Variants in LANCL2 observed in about 807,000 individuals in gnomAD.
LANCL2 encodes the protein LanC like glutathione S-transferase 2, also known as lanC-like protein 2.
In LANCL2, 33 loss-of-function variants were observed where a neutral mutation model predicts 56.9. The observed-to-expected ratio is 0.58, with a 90% CI of 0.44 to 0.78. The LOEUF is 0.78. Among genes scored for constraint, LANCL2 ranks in the 30% least tolerant of loss-of-function variants. The pLI, the probability that LANCL2 is intolerant of heterozygous loss-of-function variation, is 0.00. For missense variants in LANCL2, 562 were observed against 580.2 expected (o/e 0.97, Z 0.32); for synonymous variants, 233 against 228.2 (o/e 1.02, Z -0.19).
chr7:55,396,619 C>G (rs1790256054), intron 2 of LANCL2, among the ~76,000 whole-genome samples: 1 of 152,236 alleles, frequency 6.6e-6, no homozygotes, highest in Non-Finnish European at 1.5e-5. Flanking sequence ...CAGCACCTCC[C>G]ACCACATCCC....
chr7:55,386,559 G>C (rs1213319219), intron 1 of LANCL2, among the ~76,000 whole-genome samples: 4 of 152,178 alleles, frequency 2.6e-5, no homozygotes, highest in Non-Finnish European at 4.4e-5. Flanking sequence ...CTAAGTTGTA[G>C]GTGTCTGGTC....
At chr7:55,416,618 A>C (rs1246741412) in intron 6 of LANCL2, among the ~76,000 whole-genome samples, 1 of 151,368 alleles carries the variant, frequency 6.6e-6, no homozygotes, top group Non-Finnish European at 1.5e-5. Flanking sequence ...GTTTTATTTT[A>C]TTTTATTTTT....
chr7:55,370,771 A>G (rs145054984), intron 1 of LANCL2, among the ~76,000 whole-genome samples: 21 of 152,314 alleles, frequency 1.4e-4, no homozygotes, highest in African/African-American at 5.1e-4. Flanking sequence ...CATTATGAGA[A>G]TATCAAGGAG....
At chr7:55,422,810 GA>G (rs1334257291) in intron 6 of LANCL2, among the ~76,000 whole-genome samples, 7 of 152,236 alleles carry the variant, frequency 4.6e-5, no homozygotes, top group African/African-American at 1.7e-4. Flanking sequence ...CACTGATGAT[GA>G]GTATAGTTCC....
At chr7:55,371,635 T>C (rs909242715) in intron 1 of LANCL2, among the ~76,000 whole-genome samples, 1 of 152,174 alleles carries the variant, frequency 6.6e-6, no homozygotes, top group Non-Finnish European at 1.5e-5. Context: ...CTTTTCCCCA[T>C]GTTCTCTTGT....
intron 1 of LANCL2, among the ~76,000 whole-genome samples, chr7:55,385,724 T>C (rs1000326479): frequency 1.3e-5 from 2 of 152,194 alleles, no homozygotes; most frequent in Non-Finnish European, 2.9e-5. Context: ...GGCACCATTG[T>C]CATTGATAAC....
chr7:55,373,065 A>G (rs749781477), intron 1 of LANCL2, among the ~76,000 whole-genome samples: 1 of 152,162 alleles, frequency 6.6e-6, no homozygotes, highest in African/African-American at 2.4e-5. Context: ...CCTCAGCAAG[A>G]TTGAAAATTG....
chr7:55,413,824 A>G (rs1046872412), intron 6 of LANCL2, among the ~76,000 whole-genome samples: 1 of 152,232 alleles, frequency 6.6e-6, no homozygotes, highest in Non-Finnish European at 1.5e-5. Flanking sequence ...TGTCCTCTAC[A>G]TTAAGATTCT....
At chr7:55,373,608 T>C (rs1043528728) in intron 1 of LANCL2, among the ~76,000 whole-genome samples, 2 of 152,222 alleles carry the variant, frequency 1.3e-5, no homozygotes. Flanking sequence ...GGAGTTATTT[T>C]TAAACATCCT....
chr7:55,398,279 A>G (rs1309801400), intron 2 of LANCL2, 144 bp from the exon 3 acceptor site: 1 of 627,814 alleles, frequency 1.6e-6, no homozygotes, highest in African/African-American at 1.8e-5. Flanking sequence ...TTTAAGAAAT[A>G]TATGAAATGT....
chr7:55,368,448 C>T (rs1789899898), intron 1 of LANCL2, among the ~76,000 whole-genome samples: 1 of 152,152 alleles, frequency 6.6e-6, no homozygotes, highest in African/African-American at 2.4e-5. Context: ...AAAATGAGAG[C>T]ACGTTGAAGG....
chr7:55,401,085 T>C, intron 4 of LANCL2, 89 bp from the exon 5 acceptor site: 1 of 1,054,780 alleles, frequency 9.5e-7, no homozygotes, highest in East Asian at 2.4e-5. Flanking sequence ...TCTCTCTATA[T>C]ATGTCATATA....
chr7:55,376,795 T>G (rs1239474205), intron 1 of LANCL2, among the ~76,000 whole-genome samples: 1 of 152,270 alleles, frequency 6.6e-6, no homozygotes, highest in African/African-American at 2.4e-5. Context: ...CAGGAACATT[T>G]TGGGGAGTAC....
intron 3 of LANCL2, 100 bp downstream of exon 3, chr7:55,398,730 G>T: frequency 1.1e-6 from 1 of 887,042 alleles, no homozygotes; most frequent in Non-Finnish European, 1.8e-6. Flanking sequence ...TTCATCCATT[G>T]TTGTAAACAG....
chr7:55,413,739 A>C (rs1356856523), intron 6 of LANCL2, among the ~76,000 whole-genome samples: 1 of 152,166 alleles, frequency 6.6e-6, no homozygotes, highest in East Asian at 1.9e-4. Flanking sequence ...CTGGTTCCAA[A>C]ACAAATTTCT....
At chr7:55,416,968 GGTTTTTTTT>G (rs1482859497) in intron 6 of LANCL2, among the ~76,000 whole-genome samples, 4 of 109,076 alleles carry the variant, frequency 3.7e-5, no homozygotes, top group African/African-American at 1.4e-4. Flanking sequence ...CAAACGAGGT[GGTTTTTTTT>G]TTTTTTTTTT....
At chr7:55,371,439 G>A (rs893549856) in intron 1 of LANCL2, among the ~76,000 whole-genome samples, 1 of 152,170 alleles carries the variant, frequency 6.6e-6, no homozygotes, top group Admixed American at 6.5e-5. Context: ...GCCCAGGCTG[G>A]TCTCAAACTT....
At chr7:55,395,050 A>T (rs1190708926) in intron 2 of LANCL2, among the ~76,000 whole-genome samples, 1 of 152,172 alleles carries the variant, frequency 6.6e-6, no homozygotes, top group Non-Finnish European at 1.5e-5. Flanking sequence ...GAGTCAGGAA[A>T]TCTGGCCACC....
intron 6 of LANCL2, among the ~76,000 whole-genome samples, chr7:55,413,383 G>T (rs758315934): frequency 6.6e-6 from 1 of 152,110 alleles, no homozygotes; most frequent in Non-Finnish European, 1.5e-5. Flanking sequence ...GCTCCTTTTT[G>T]TCAAACTCCT....
Sources: gnomAD v4.1 joint callset for allele counts (sites outside exome capture counted in the v4.1 genomes callset) on GRCh38, gnomAD v4.1.1 for gene constraint, MANE v1.5 for transcripts, NCBI Gene and HGNC (gene_info 2026-07-23, HGNC 2026-07-21) for gene names.